Variants in NCKAP5 observed in about 807,000 individuals in gnomAD.
NCKAP5 encodes the protein NCK associated protein 5, also known as nck-associated protein 5.
NCKAP5 carries 92 observed loss-of-function variants against 167.0 expected under a neutral mutation model. The ratio of observed to expected loss-of-function variants is 0.55; its 90% CI spans 0.47 to 0.66. NCKAP5 has a LOEUF of 0.66. NCKAP5 is among the 30% of genes least tolerant of loss of function. The probability of loss-of-function intolerance (pLI) is 0.00; values close to 1 mark genes in which losing one functional copy is unlikely to be tolerated. For synonymous variants in NCKAP5, 891 were observed against 877.4 expected (o/e 1.02, Z -0.27); for missense variants, 2,378 against 2,315.0 (o/e 1.03, Z -0.56).
Position 132,850,685 on chromosome 2 carries a change from A to AACATGGGAG in NCKAP5, c.807+9806_807+9807insCTCCCATGT, listed in dbSNP as rs1175346339. Among the ~76,000 whole-genome samples the AACATGGGAG allele has an allele frequency of 1.4e-3, 210 of 152,272 alleles. 1 individual carries two copies. The highest frequency in any genetic ancestry group is 4.8e-3 in the African/African-American group (199 of 41,566). On this transcript the variant is annotated intron_variant, in intron 11 of 19. Coordinates refer to ENST00000409261, the MANE Select transcript of NCKAP5 (RefSeq NM_207363.3). Reference sequence around the variant, plus strand: ...CATAGAAACACTTTGCTACCTTAGTACAGCACATGTTAACCTGCTAGAACT... The same window carrying AACATGGGAG: ...CATAGAAACACTTTGCTACCTTAGTAACATGGGAGCAGCACATGTTAACCTGCTAGAACT...
At chr2:133,346,566 T>C (rs1278804455) in intron 3 of NCKAP5, among the ~76,000 whole-genome samples, 1 of 152,200 alleles carries the variant, frequency 6.6e-6, no homozygotes, top group African/African-American at 2.4e-5. Flanking sequence ...CCTAGGGTGA[T>C]GGTCTGAAAT....
intron 2 of NCKAP5, among the ~76,000 whole-genome samples, chr2:133,525,950 T>A (rs72990494): frequency 6.6e-6 from 1 of 151,928 alleles, no homozygotes; most frequent in Admixed American, 6.6e-5. Context: ...AAGATAATAA[T>A]AAAAATCCCC....
intron 15 of NCKAP5, among the ~76,000 whole-genome samples, chr2:132,776,338 A>G (rs578139072): frequency 6.6e-6 from 1 of 152,038 alleles, no homozygotes; most frequent in South Asian, 2.1e-4. Flanking sequence ...CCCCTTCTCC[A>G]CCTCCTTTCT....
In NCKAP5 at chr2:132,974,692, C is replaced by T. The variant is rs1432755592; in HGVS notation, c.430-10823G>A. On this transcript the variant is annotated intron_variant, in intron 7 of 19. Transcript: ENST00000409261. ...GTAATTCTATCTGAGAATCTGTGATCTTTAGCCAAGCGTGAACCATGCTAC... is the reference window on the plus strand; with the variant it reads ...GTAATTCTATCTGAGAATCTGTGATTTTTAGCCAAGCGTGAACCATGCTAC... 1.3e-5 allele frequency among the ~76,000 whole-genome samples: 2 copies of T among 152,206 alleles called. 1 individual carries two copies. Among genetic ancestry groups the T allele is most frequent in the East Asian group, 3.9e-4 (2 of 5,188 alleles).
chr2:132,992,360 T>C (rs2077474126), intron 7 of NCKAP5, among the ~76,000 whole-genome samples: 1 of 152,190 alleles, frequency 6.6e-6, no homozygotes, highest in Admixed American at 6.5e-5. Context: ...TGATGTTAAG[T>C]GTCTACACCA....
intron 3 of NCKAP5, among the ~76,000 whole-genome samples, chr2:133,428,636 A>G (rs1484917468): frequency 6.6e-6 from 1 of 152,150 alleles, no homozygotes. Flanking sequence ...TACATAACTC[A>G]TCACGTGTTT....
At position 133,527,705 on chromosome 2, in the gene NCKAP5, A is replaced by G. The variant is rs535932975; in HGVS notation, c.-61-10118T>C. Among the ~76,000 whole-genome samples, 9 of 152,244 alleles carry G rather than the reference A, an allele frequency of 5.9e-5. No homozygotes were observed. The East Asian group carries it at 1.4e-3, about 23-fold the overall frequency. ...CTAAGATGTTTATCTTTTTCTACTC[A>G]ATGATTTAATTAAATTGAGACTGAT... is the stretch of plus-strand genomic sequence containing the variant. On this transcript the variant is annotated intron_variant, in intron 2 of 19. Transcript: ENST00000409261.
intron 16 of NCKAP5, among the ~76,000 whole-genome samples, chr2:132,750,176 C>T (rs1051464097): frequency 2.6e-5 from 4 of 152,146 alleles, no homozygotes; most frequent in African/African-American, 9.7e-5. Context: ...GTAAGTTTAG[C>T]ACCTCTGACC....
At chr2:133,544,289 G>A (rs1323555801) in intron 2 of NCKAP5, among the ~76,000 whole-genome samples, 6 of 152,008 alleles carry the variant, frequency 3.9e-5, no homozygotes, top group South Asian at 2.1e-4. Flanking sequence ...AAATATACAC[G>A]TGTATACACA....
In NCKAP5 at chr2:132,860,609, A is replaced by G; in HGVS notation, c.690T>C (p.Asp230=). The G allele has an allele frequency of 6.4e-7, 1 of 1,568,920 alleles. No homozygotes were observed. The highest frequency in any genetic ancestry group is 8.7e-7 in the Non-Finnish European group (1 of 1,154,880). ...TCAACTTCACACATTCCTCTCTTAG[A>G]TCCTACAACAAACACATCGAAGGAG... ...QVVQALLTQK[D]LREECVKLKT... is the part of the protein sequence containing the mutation. The change falls in exon 11 of 20, where the codon GAT becomes GAC. Residue 230 remains aspartate, a splice_region_variant and synonymous_variant. Transcript: ENST00000409261.
chr2:133,606,181 C>T, the NCKAP5 span, among the ~76,000 whole-genome samples: 1 of 152,072 alleles, frequency 6.6e-6, no homozygotes, highest in Non-Finnish European at 1.5e-5. Context: ...AACTATGCAA[C>T]ATCAGAGGTC....
At chr2:133,490,934 T>A (rs1379931019) in intron 3 of NCKAP5, among the ~76,000 whole-genome samples, 1 of 152,216 alleles carries the variant, frequency 6.6e-6, no homozygotes, top group Non-Finnish European at 1.5e-5. Context: ...TAAGTTTCCC[T>A]CAAGGAGAGA....
chr2:133,609,292 C>G, the NCKAP5 span, among the ~76,000 whole-genome samples: 1 of 152,110 alleles, frequency 6.6e-6, no homozygotes, highest in Non-Finnish European at 1.5e-5. Context: ...CTCCATATCT[C>G]CACGCTAGTA....
At chr2:132,776,490 A>ATGGTGAACAAGCCCCC (rs1408413954) in intron 15 of NCKAP5, among the ~76,000 whole-genome samples, 1 of 152,198 alleles carries the variant, frequency 6.6e-6, no homozygotes, top group Admixed American at 6.5e-5. Context: ...AAGAACTGAG[A>ATGGTGAACAAGCCCCC]TGGTGAACAA....
At chr2:133,028,965 C>T (rs934760349) in intron 6 of NCKAP5, among the ~76,000 whole-genome samples, 3 of 152,172 alleles carry the variant, frequency 2.0e-5, no homozygotes, top group Admixed American at 1.3e-4. Flanking sequence ...GTGCCTGCTC[C>T]CCCTTTGCCT....
At chr2:133,585,097 CTA>C in the NCKAP5 span, among the ~76,000 whole-genome samples, 11 of 152,002 alleles carry the variant, frequency 7.2e-5, no homozygotes, top group African/African-American at 1.9e-4. Context: ...AATCATTTCA[CTA>C]TGTATATCAA....
chr2:133,590,406 G>A, the NCKAP5 span, among the ~76,000 whole-genome samples: 7 of 151,852 alleles, frequency 4.6e-5, no homozygotes, highest in East Asian at 1.2e-3. Context: ...GGCACCTGTA[G>A]TCAGCTACCT....
At chr2:132,725,798 A>G in intron 18 of NCKAP5, 39 bp from the exon 19 acceptor site, 3 of 1,604,056 alleles carry the variant, frequency 1.9e-6, no homozygotes, top group South Asian at 2.2e-5. Flanking sequence ...TAATTCATAC[A>G]AATCAAAATG....
chr2:133,666,265 T>A, the NCKAP5 span, among the ~76,000 whole-genome samples: 31 of 148,212 alleles, frequency 2.1e-4, no homozygotes, highest in South Asian at 2.9e-3. Context: ...TGGCGCGATC[T>A]CGGCTCACTG....
Sources: gnomAD v4.1 joint callset for allele counts (sites outside exome capture counted in the v4.1 genomes callset) on GRCh38, gnomAD v4.1.1 for gene constraint, MANE v1.5 for transcripts, NCBI Gene and HGNC (gene_info 2026-07-23, HGNC 2026-07-21) for gene names.